Variants in ZMYM2 observed in about 807,000 individuals in gnomAD.
ZMYM2 encodes the protein zinc finger MYM-type containing 2.
In ZMYM2, 56 loss-of-function variants were observed where a neutral mutation model predicts 162.8. The observed-to-expected ratio is 0.34, with a 90% confidence interval of 0.28 to 0.43. The LOEUF is 0.43. Among genes scored for constraint, ZMYM2 ranks in the 20% least tolerant of loss-of-function variants. ZMYM2 has a pLI of 1.00. For missense variants in ZMYM2, 1,275 were observed against 1,621.8 expected (o/e 0.79, Z 3.67); for synonymous variants, 510 against 541.6 (o/e 0.94, Z 0.81).
chr13:20,018,513 T>C (rs1467461579), intron 6 of ZMYM2, among the ~76,000 whole-genome samples: 21 of 152,194 alleles, frequency 1.4e-4, no homozygotes, highest in Admixed American at 1.4e-3. Context: ...CCTTTGTCTG[T>C]TATATTTAAC....
the ZMYM2 span, among the ~76,000 whole-genome samples, chr13:19,919,132 G>C: frequency 6.7e-6 from 1 of 148,210 alleles, no homozygotes; most frequent in East Asian, 1.9e-4. Flanking sequence ...TTTGAGACTG[G>C]CTTTTTTTTT....
chr13:19,942,277 A>G, the ZMYM2 span, among the ~76,000 whole-genome samples: 3 of 552 alleles, frequency 5.4e-3, no homozygotes, highest in Non-Finnish European at 0.021. Context: ...ATGATCACTA[A>G]AATTTTTAAT....
At chr13:19,933,466 T>G in the ZMYM2 span, among the ~76,000 whole-genome samples, 1 of 152,206 alleles carries the variant, frequency 6.6e-6, no homozygotes, top group African/African-American at 2.4e-5. Context: ...TAATTTTTTA[T>G]TTTAGTTTAA....
At chr13:19,968,250 T>C (rs1452810094) in intron 2 of ZMYM2, among the ~76,000 whole-genome samples, 1 of 152,086 alleles carries the variant, frequency 6.6e-6, no homozygotes, top group East Asian at 1.9e-4. Context: ...CGCTAGACTT[T>C]CCTTTTTTTG....
chr13:19,938,541 G>A, the ZMYM2 span, among the ~76,000 whole-genome samples: 1 of 151,126 alleles, frequency 6.6e-6, no homozygotes, highest in African/African-American at 2.4e-5. Flanking sequence ...ACTTTGAAAA[G>A]TTTTCTTGTA....
At chr13:19,963,803 G>A (rs1955496819) in intron 2 of ZMYM2, among the ~76,000 whole-genome samples, 1 of 152,088 alleles carries the variant, frequency 6.6e-6, no homozygotes, top group African/African-American at 2.4e-5. Flanking sequence ...TGGAGCTGCA[G>A]AATGAATTTT....
At chr13:19,892,136 T>C in the ZMYM2 span, among the ~76,000 whole-genome samples, 1 of 151,766 alleles carries the variant, frequency 6.6e-6, no homozygotes, top group Non-Finnish European at 1.5e-5. Flanking sequence ...AGAAATGAAG[T>C]CTCCCTGTGT....
At chr13:20,065,821 G>A (rs181041936) in intron 19 of ZMYM2, among the ~76,000 whole-genome samples, 3 of 152,092 alleles carry the variant, frequency 2.0e-5, no homozygotes, top group Non-Finnish European at 2.9e-5. Flanking sequence ...GGGAGATACC[G>A]TGATTACAAA....
At chr13:19,904,738 C>G in the ZMYM2 span, among the ~76,000 whole-genome samples, 8,596 of 152,172 alleles carry the variant, frequency 0.056, 428 homozygotes, top group African/African-American at 0.14. Flanking sequence ...TTTATATACA[C>G]TCTTCCACAT....
chr13:19,985,414 A>G (rs546075241), intron 2 of ZMYM2, among the ~76,000 whole-genome samples: 8 of 152,260 alleles, frequency 5.3e-5, no homozygotes, highest in African/African-American at 1.7e-4. Flanking sequence ...GTGAGCTACC[A>G]TGCCTGGCCC....
chr13:19,977,586 G>A (rs1242475882), intron 2 of ZMYM2, among the ~76,000 whole-genome samples: 6 of 149,636 alleles, frequency 4.0e-5, no homozygotes, highest in African/African-American at 7.4e-5. Flanking sequence ...CCTGCCTCCC[G>A]GGTTCACGCC....
intron 6 of ZMYM2, among the ~76,000 whole-genome samples, chr13:20,015,008 G>A (rs950698776): frequency 2.1e-4 from 32 of 152,106 alleles, no homozygotes; most frequent in South Asian, 4.2e-4. Flanking sequence ...TGATCTGCTC[G>A]CCTCAGCCTT....
chr13:19,995,268 T>A (rs1949931769), intron 3 of ZMYM2, among the ~76,000 whole-genome samples: 1 of 152,192 alleles, frequency 6.6e-6, no homozygotes, highest in Non-Finnish European at 1.5e-5. Context: ...TGCAAAAGGC[T>A]GTATATATTT....
chr13:20,086,498 T>G lies in ZMYM2; in HGVS notation c.*484T>G. Reference sequence around the variant, plus strand: ...CTGTAAACTAATAGGCTGGGGTTTTTGTTTTGTTTTGGGGTTTTGTTTTGT... The same window carrying G: ...CTGTAAACTAATAGGCTGGGGTTTTGGTTTTGTTTTGGGGTTTTGTTTTGT... On this transcript the variant is annotated 3_prime_UTR_variant, in exon 25 of 25. Transcript: ENST00000610343. 1 of 218,772 alleles carries G rather than the reference T, an allele frequency of 4.6e-6. No homozygotes were observed. The highest frequency in any genetic ancestry group is 6.7e-5 in the East Asian group (1 of 14,908). The allele number at this position is 218,772 out of a possible 1,614,324, so 13.6% of individuals were successfully genotyped here. A position where few individuals can be genotyped will look rare whatever the true frequency, so the allele number is the denominator to read the frequency against.
chr13:19,992,057 AT>A, intron 2 of ZMYM2, among the ~76,000 whole-genome samples: 1 of 152,232 alleles, frequency 6.6e-6, no homozygotes, highest in East Asian at 1.9e-4. Context: ...TAAGGTTAAC[AT>A]TTGTAGGTTC....
At chr13:19,984,562 T>C (rs987860510) in intron 2 of ZMYM2, among the ~76,000 whole-genome samples, 1 of 152,254 alleles carries the variant, frequency 6.6e-6, no homozygotes, top group Non-Finnish European at 1.5e-5. Context: ...GTTATTTGTT[T>C]AGTCTTAAAT....
At chr13:19,943,109 T>C in the ZMYM2 span, among the ~76,000 whole-genome samples, 1 of 152,144 alleles carries the variant, frequency 6.6e-6, no homozygotes, top group Non-Finnish European at 1.5e-5. Flanking sequence ...TTCTAGCTTT[T>C]GTTTTTTGCT....
the ZMYM2 span, among the ~76,000 whole-genome samples, chr13:19,896,535 T>A: frequency 2.0e-5 from 3 of 150,178 alleles, no homozygotes; most frequent in Non-Finnish European, 4.4e-5. Context: ...GGTGGGCAGA[T>A]CACAAGGTCA....
chr13:19,939,464 T>C, the ZMYM2 span, among the ~76,000 whole-genome samples: 156 of 152,338 alleles, frequency 1.0e-3, no homozygotes, highest in Middle Eastern at 3.4e-3. Flanking sequence ...TTTACTTTTA[T>C]ATTTTAATAG....
Sources: allele counts gnomAD v4.1 joint callset (sites outside exome capture counted in the v4.1 genomes callset), GRCh38; gene constraint gnomAD v4.1.1; transcripts MANE v1.5; gene names NCBI Gene and HGNC (gene_info 2026-07-23, HGNC 2026-07-21).